Variants in CSMD3 observed in about 807,000 individuals in gnomAD.
The protein encoded by CSMD3 is CUB and Sushi multiple domains 3.
In CSMD3, 177 loss-of-function variants were observed where a neutral mutation model predicts 435.2. That is an observed-to-expected ratio of 0.41 (90% CI 0.36 to 0.46). CSMD3 has a LOEUF of 0.46. Among genes scored for constraint, CSMD3 ranks in the 20% least tolerant of loss-of-function variants. The pLI is 0.34. For missense variants in CSMD3, 4,265 were observed against 4,504.6 expected, an observed-to-expected ratio of 0.95 and a Z score of 1.52; for synonymous variants, 1,656 against 1,520.5, an observed-to-expected ratio of 1.09 and a Z score of -2.07.
At chr8:112,597,342 C>G (rs1351082353) in intron 22 of CSMD3, among the ~76,000 whole-genome samples, 1 of 151,454 alleles carries the variant, frequency 6.6e-6, no homozygotes, top group African/African-American at 2.4e-5. Flanking sequence ...CTGAATAGAC[C>G]AATAACAGGA....
chr8:112,229,461 C>T (rs1440049990), intron 69 of CSMD3, among the ~76,000 whole-genome samples: 1 of 151,650 alleles, frequency 6.6e-6, no homozygotes, highest in Admixed American at 6.6e-5. Context: ...CAGGGTCTCA[C>T]TTTGTCACCC....
chr8:112,493,546 A>T (rs1820912905), intron 30 of CSMD3, among the ~76,000 whole-genome samples: 1 of 152,110 alleles, frequency 6.6e-6, no homozygotes, highest in African/African-American at 2.4e-5. Flanking sequence ...CCCATTGTAA[A>T]ATAGCAAAAT....
chr8:112,424,358 G>A (rs895554059), intron 32 of CSMD3, among the ~76,000 whole-genome samples: 12 of 152,104 alleles, frequency 7.9e-5, no homozygotes, highest in South Asian at 2.1e-4. Flanking sequence ...TAATTTTAAA[G>A]CAGACTCACA....
chr8:112,752,903 G>A (rs1386382554), intron 13 of CSMD3, among the ~76,000 whole-genome samples: 3 of 6,724 alleles, frequency 4.5e-4, no homozygotes, highest in South Asian at 4.7e-3. Flanking sequence ...GTTACCGCGT[G>A]TGTGTGTGTG....
At chr8:113,063,173 G>GT (rs1419523490) in intron 5 of CSMD3, among the ~76,000 whole-genome samples, 1 of 149,000 alleles carries the variant, frequency 6.7e-6, no homozygotes, top group Non-Finnish European at 1.5e-5. Flanking sequence ...AAAATAAAAA[G>GT]TAAAAAAAAA....
chr8:112,231,734 C>A (rs1813106233), intron 68 of CSMD3, 102 bp from the exon 69 acceptor site: 3 of 814,398 alleles, frequency 3.7e-6, no homozygotes, highest in Non-Finnish European at 6.3e-6. Flanking sequence ...AATATTATCA[C>A]AAGTTCCTTT....
At chr8:112,247,386 C>T (rs1415986277) in intron 63 of CSMD3, among the ~76,000 whole-genome samples, 1 of 151,828 alleles carries the variant, frequency 6.6e-6, no homozygotes, top group Non-Finnish European at 1.5e-5. Flanking sequence ...AGCTTTTTTG[C>T]CATGGGAATT....
At chr8:112,305,879 T>G (rs1208258842) in intron 51 of CSMD3, 128 bp downstream of exon 51, 2 of 815,680 alleles carry the variant, frequency 2.5e-6, no homozygotes, top group African/African-American at 1.7e-5. Flanking sequence ...TTACTTAACT[T>G]TTATTTCTGA....
chr8:112,241,937 G>A (rs781394764), intron 65 of CSMD3, 152 bp from the exon 66 acceptor site: 19 of 696,906 alleles, frequency 2.7e-5, no homozygotes, highest in African/African-American at 5.3e-5. Context: ...AAAATGTTCC[G>A]TTCATCACAA....
intron 29 of CSMD3, among the ~76,000 whole-genome samples, chr8:112,504,286 G>A (rs1054980168): frequency 6.6e-6 from 1 of 152,094 alleles, no homozygotes; most frequent in South Asian, 2.1e-4. Context: ...AGGATTTGGA[G>A]TCAGAGAATG....
At chr8:113,183,974 A>T (rs1012185967) in intron 3 of CSMD3, among the ~76,000 whole-genome samples, 3 of 151,984 alleles carry the variant, frequency 2.0e-5, no homozygotes, top group Non-Finnish European at 4.4e-5. Flanking sequence ...ATAGTATCAG[A>T]TCTCATAGGT....
intron 3 of CSMD3, among the ~76,000 whole-genome samples, chr8:113,274,662 T>C (rs1357583423): frequency 6.6e-6 from 1 of 152,122 alleles, no homozygotes; most frequent in Non-Finnish European, 1.5e-5. Context: ...TCAATTTCAA[T>C]ACGCTAAATT....
At chr8:112,500,352 T>C (rs1686853858) in intron 30 of CSMD3, among the ~76,000 whole-genome samples, 1 of 152,034 alleles carries the variant, frequency 6.6e-6, no homozygotes, top group East Asian at 1.9e-4. Flanking sequence ...AAATCTAAGA[T>C]AAAAAAGCTA....
intron 2 of CSMD3, chr8:113,314,266 T>C: frequency 3.2e-6 from 1 of 316,998 alleles, no homozygotes; most frequent in Non-Finnish European, 5.9e-6. Flanking sequence ...AAAAGTTATA[T>C]CCATAATGAA....
intron 22 of CSMD3, among the ~76,000 whole-genome samples, chr8:112,596,240 A>T (rs1009354370): frequency 7.2e-5 from 11 of 152,176 alleles, no homozygotes; most frequent in African/African-American, 1.7e-4. Context: ...AACAGACTTT[A>T]AACCAACAAA....
rs113927794 is a variant in CSMD3 at position 112,523,420 on chromosome 8, G to A, written c.4565-6195C>T. On this transcript the variant is annotated intron_variant, in intron 27 of 70. Coordinates refer to ENST00000297405, the MANE Select transcript of CSMD3 (RefSeq NM_198123.2). ...AGTACACTTTAATATGCTCTGTATA[G>A]GTTTTCTAAGCAGTAATTTTATATT... Among the ~76,000 whole-genome samples the A allele has an allele frequency of 9.9e-3, 1,502 of 152,014 alleles. 23 individuals carry two copies. Among genetic ancestry groups the A allele is most frequent in the African/African-American group, 0.035 (1,444 of 41,518 alleles).
Position 113,022,441 on chromosome 8 carries a change from T to A in CSMD3, c.918-3262A>T, listed in dbSNP as rs193279804. Among the ~76,000 whole-genome samples, 4 of 151,928 alleles carry A rather than the reference T, an allele frequency of 2.6e-5. No homozygotes were observed. In the East Asian group the frequency reaches 7.7e-4, roughly 29 times the overall value. On this transcript the variant is annotated intron_variant, in intron 5 of 70. Transcript: ENST00000297405. ...AATATGATAGTAAGCAAGAGAAAAATCATGGTTTTATACAGTAAAATTAAA... is the reference window on the plus strand; with the variant it reads ...AATATGATAGTAAGCAAGAGAAAAAACATGGTTTTATACAGTAAAATTAAA...
chr8:113,157,283 T>C (rs775574229), intron 4 of CSMD3, among the ~76,000 whole-genome samples: 2 of 152,138 alleles, frequency 1.3e-5, no homozygotes, highest in Non-Finnish European at 2.9e-5. Flanking sequence ...CAAGAAGAAC[T>C]GCTTTGACTA....
chr8:112,641,762 C>T (rs1231994037), intron 20 of CSMD3, among the ~76,000 whole-genome samples: 1 of 152,030 alleles, frequency 6.6e-6, no homozygotes, highest in Non-Finnish European at 1.5e-5. Context: ...CACCTGAGCC[C>T]AGGAAGACTG....
Sources: allele counts gnomAD v4.1 joint callset (sites outside exome capture counted in the v4.1 genomes callset), GRCh38; gene constraint gnomAD v4.1.1; transcripts MANE v1.5; gene names NCBI Gene and HGNC (gene_info 2026-07-23, HGNC 2026-07-21).